The following ARHGAP15 variants were observed in gnomAD, a reference collection of about 807,000 sequenced individuals.
ARHGAP15 encodes rho GTPase-activating protein 15.
ARHGAP15 carries 51 observed loss-of-function variants against 63.7 expected under a neutral mutation model. The observed-to-expected ratio is 0.80, with a 90% CI of 0.64 to 1.01. The LOEUF (loss-of-function observed/expected upper bound fraction) is 1.01, where lower values mean the gene tolerates loss of function less well. ARHGAP15 is among the 50% of genes least tolerant of loss of function. The probability of loss-of-function intolerance (pLI) is 0.00; values close to 1 mark genes in which losing one functional copy is unlikely to be tolerated. For missense variants in ARHGAP15, 560 were observed against 564.6 expected (o/e 0.99, Z 0.08); for synonymous variants, 191 against 193.8 (o/e 0.99, Z 0.12).
intron 11 of ARHGAP15, among the ~76,000 whole-genome samples, chr2:143,584,517 T>C (rs1052931335): frequency 2.0e-5 from 3 of 151,920 alleles, no homozygotes; most frequent in Non-Finnish European, 4.4e-5. Flanking sequence ...TCCCAGCTAC[T>C]AGGGAGGCTG....
At chr2:143,234,777 T>A (rs1693576797) in intron 5 of ARHGAP15, among the ~76,000 whole-genome samples, 1 of 152,158 alleles carries the variant, frequency 6.6e-6, no homozygotes, top group Non-Finnish European at 1.5e-5. Flanking sequence ...TGACCAAAGC[T>A]CAAATGTGTA....
At chr2:143,541,866 A>C (rs910663055) in intron 10 of ARHGAP15, among the ~76,000 whole-genome samples, 1 of 152,124 alleles carries the variant, frequency 6.6e-6, no homozygotes, top group African/African-American at 2.4e-5. Flanking sequence ...CTCAGATCTC[A>C]AGCTGTTTGC....
intron 12 of ARHGAP15, among the ~76,000 whole-genome samples, chr2:143,671,635 TG>T (rs1411356659): frequency 6.6e-6 from 1 of 152,194 alleles, no homozygotes; most frequent in African/African-American, 2.4e-5. Flanking sequence ...GATCTTTAGT[TG>T]GGTCATTATT....
At chr2:143,606,035 C>CAAAA (rs869266541) in intron 11 of ARHGAP15, among the ~76,000 whole-genome samples, 1,746 of 22,814 alleles carry the variant, frequency 0.077, 423 homozygotes, top group African/African-American at 0.079. Flanking sequence ...GACTCTGTCT[C>CAAAA]AAAAAAAAAA....
At chr2:143,692,334 T>TG (rs1683645324) in intron 12 of ARHGAP15, among the ~76,000 whole-genome samples, 1 of 152,140 alleles carries the variant, frequency 6.6e-6, no homozygotes, top group African/African-American at 2.4e-5. Context: ...TGCCGCACAG[T>TG]GGGAAGCTTA....
At chr2:143,292,761 G>A (rs915250669) in intron 6 of ARHGAP15, among the ~76,000 whole-genome samples, 1 of 151,712 alleles carries the variant, frequency 6.6e-6, no homozygotes, top group Non-Finnish European at 1.5e-5. Flanking sequence ...AATAATTTAT[G>A]GCAGAGTTTT....
intron 11 of ARHGAP15, among the ~76,000 whole-genome samples, chr2:143,583,628 A>C (rs1696996694): frequency 6.6e-6 from 1 of 152,136 alleles, no homozygotes; most frequent in African/African-American, 2.4e-5. Context: ...ACCAAAAATT[A>C]CTGTAGGGAG....
intron 2 of ARHGAP15, among the ~76,000 whole-genome samples, chr2:143,185,468 C>T (rs906483939): frequency 6.6e-6 from 1 of 152,182 alleles, no homozygotes; most frequent in Non-Finnish European, 1.5e-5. Context: ...AAGTTTCCTT[C>T]AAACTGCAGT....
chr2:143,584,399 G>A (rs1458143721), intron 11 of ARHGAP15, among the ~76,000 whole-genome samples: 1 of 152,180 alleles, frequency 6.6e-6, no homozygotes, highest in Admixed American at 6.5e-5. Flanking sequence ...GCCAAGGTGG[G>A]TGGATCACTT....
chr2:143,191,095 C>G (rs2105090600), intron 2 of ARHGAP15, among the ~76,000 whole-genome samples: 1 of 152,310 alleles, frequency 6.6e-6, no homozygotes, highest in East Asian at 1.9e-4. Flanking sequence ...TATTTCTTCT[C>G]CAAGAAACAT....
At position 143,619,863 on chromosome 2, in the gene ARHGAP15, A is replaced by G. The variant is rs181192239; in HGVS notation, c.1004-4270A>G. Among the ~76,000 whole-genome samples, 1,012 of 152,234 alleles carry G rather than the reference A, an allele frequency of 6.6e-3. 3 individuals are homozygous for G. Among genetic ancestry groups the G allele is most frequent in the Middle Eastern group, 0.014 (4 of 294 alleles). On this transcript the variant is annotated intron_variant, in intron 11 of 13. Transcript: ENST00000295095. Reference sequence around the variant, plus strand: ...ATTGGAAGTTTACTGAGGCCTCCCCAGTTGTTCTTCTATACAGCCTGCAGA... The same window carrying G: ...ATTGGAAGTTTACTGAGGCCTCCCCGGTTGTTCTTCTATACAGCCTGCAGA...
chr2:143,309,901 C>T (rs183093309), intron 6 of ARHGAP15, among the ~76,000 whole-genome samples: 1 of 150,114 alleles, frequency 6.7e-6, no homozygotes, highest in African/African-American at 2.5e-5. Flanking sequence ...TGTGTATACA[C>T]ACATGATGAT....
At chr2:143,417,533 G>A (rs1262544129) in intron 6 of ARHGAP15, among the ~76,000 whole-genome samples, 1 of 152,134 alleles carries the variant, frequency 6.6e-6, no homozygotes, top group Non-Finnish European at 1.5e-5. Context: ...TTCATGGATT[G>A]CATTTAATTG....
intron 6 of ARHGAP15, among the ~76,000 whole-genome samples, chr2:143,401,098 C>CA (rs1021925430): frequency 1.1e-4 from 16 of 150,676 alleles, no homozygotes; most frequent in African/African-American, 3.7e-4. Flanking sequence ...AATGTGTAGA[C>CA]AAAAAAAAGA....
intron 6 of ARHGAP15, among the ~76,000 whole-genome samples, chr2:143,299,048 T>C (rs1682774545): frequency 2.0e-5 from 3 of 151,974 alleles, no homozygotes; most frequent in East Asian, 1.9e-4. Context: ...GATTCATGTT[T>C]CCAGCACTGG....
intron 6 of ARHGAP15, among the ~76,000 whole-genome samples, chr2:143,322,502 A>G (rs780078205): frequency 2.6e-5 from 4 of 152,208 alleles, no homozygotes; most frequent in Non-Finnish European, 5.9e-5. Flanking sequence ...TGGATTTCCT[A>G]CTAAATGTAG....
intron 1 of ARHGAP15, among the ~76,000 whole-genome samples, chr2:143,134,151 CT>C (rs572008224): frequency 5.6e-5 from 1 of 17,716 alleles, no homozygotes; most frequent in South Asian, 1.0e-3. Context: ...ATCTATCTAT[CT>C]ACCTATCTAT....
intron 13 of ARHGAP15, among the ~76,000 whole-genome samples, chr2:143,739,257 G>A (rs1685871025): frequency 6.6e-6 from 1 of 152,156 alleles, no homozygotes; most frequent in Non-Finnish European, 1.5e-5. Flanking sequence ...AAAACAACAA[G>A]AGGGAATCAA....
chr2:143,539,207 T>G (rs938539498), intron 10 of ARHGAP15, among the ~76,000 whole-genome samples: 1 of 152,248 alleles, frequency 6.6e-6, no homozygotes, highest in Non-Finnish European at 1.5e-5. Flanking sequence ...TTTGTGTTTC[T>G]GTTGGATTGG....
Sources: gnomAD v4.1 joint callset for allele counts (sites outside exome capture counted in the v4.1 genomes callset) on GRCh38, gnomAD v4.1.1 for gene constraint, MANE v1.5 for transcripts, NCBI Gene and HGNC (gene_info 2026-07-23, HGNC 2026-07-21) for gene names.